CDH12: variants seen among roughly 807,000 people sequenced by gnomAD.
CDH12 encodes cadherin 12.
CDH12 carries 41 observed loss-of-function variants against 74.1 expected under a neutral mutation model. That is an observed-to-expected ratio of 0.55 (90% CI 0.43 to 0.72). The LOEUF (loss-of-function observed/expected upper bound fraction) is 0.72, where lower values mean the gene tolerates loss of function less well. CDH12 is among the 30% of genes least tolerant of loss of function. The probability of loss-of-function intolerance (pLI) is 0.00; values close to 1 mark genes in which losing one functional copy is unlikely to be tolerated. For missense variants in CDH12, 945 were observed against 977.2 expected, an observed-to-expected ratio of 0.97 and a Z score of 0.44; for synonymous variants, 399 against 355.0, an observed-to-expected ratio of 1.12 and a Z score of -1.39.
At chr5:22,067,641 T>C (rs1741661847) in intron 5 of CDH12, among the ~76,000 whole-genome samples, 1 of 152,180 alleles carries the variant, frequency 6.6e-6, no homozygotes, top group South Asian at 2.1e-4. Context: ...AGGGATGCTG[T>C]GTGGCATCTT....
intron 1 of CDH12, among the ~76,000 whole-genome samples, chr5:22,619,741 A>T (rs1265282113): frequency 6.6e-6 from 1 of 151,870 alleles, no homozygotes; most frequent in African/African-American, 2.4e-5. Context: ...CAAAAAAAAA[A>T]AGTCTCCACT....
At chr5:22,320,933 A>G (rs1234004396) in intron 3 of CDH12, among the ~76,000 whole-genome samples, 1 of 152,208 alleles carries the variant, frequency 6.6e-6, no homozygotes, top group Non-Finnish European at 1.5e-5. Context: ...GCAGTGTATC[A>G]CAGTTCAACT....
At chr5:22,582,510 T>C (rs760429865) in intron 1 of CDH12, among the ~76,000 whole-genome samples, 3 of 152,214 alleles carry the variant, frequency 2.0e-5, no homozygotes, top group Non-Finnish European at 4.4e-5. Context: ...ATGGGATCTA[T>C]TAATTCAACT....
intron 1 of CDH12, among the ~76,000 whole-genome samples, chr5:22,828,810 C>T (rs1736453210): frequency 6.6e-6 from 1 of 151,940 alleles, no homozygotes. Context: ...AAGACTTGTT[C>T]GAAGCATTGA....
At chr5:22,775,324 T>C (rs1747035029) in intron 1 of CDH12, among the ~76,000 whole-genome samples, 1 of 152,026 alleles carries the variant, frequency 6.6e-6, no homozygotes, top group African/African-American at 2.4e-5. Context: ...GAAATCAATA[T>C]ATCACTGACA....
In CDH12 at chr5:22,767,148, C is replaced by G. The variant is rs567098962; in HGVS notation, c.-523+85910G>C. ...TTGTGGATTTAAAAATCCACCTTGT[C>G]TAGGATTGATTTTATATTTAACATA... On this transcript the variant is annotated intron_variant, in intron 1 of 14. Transcript: ENST00000382254. 3.3e-5 allele frequency among the ~76,000 whole-genome samples: 5 copies of G among 151,950 alleles called. No individual in the cohort carries two copies. In the East Asian group the frequency reaches 9.7e-4, roughly 29 times the overall value.
At chr5:22,559,769 A>C (rs1421505936) in intron 1 of CDH12, among the ~76,000 whole-genome samples, 1 of 152,168 alleles carries the variant, frequency 6.6e-6, no homozygotes, top group Non-Finnish European at 1.5e-5. Context: ...CCAGTATCTT[A>C]TTATAGTTTC....
chr5:22,290,773 T>C, intron 3 of CDH12, among the ~76,000 whole-genome samples: 1 of 152,114 alleles, frequency 6.6e-6, no homozygotes, highest in East Asian at 1.9e-4. Flanking sequence ...GAAAAATAAC[T>C]TAATACATGC....
intron 1 of CDH12, among the ~76,000 whole-genome samples, chr5:22,698,137 T>TTTTA (rs1273357040): frequency 6.9e-6 from 1 of 144,386 alleles, no homozygotes; most frequent in East Asian, 2.0e-4. Context: ...TTTTTTTTTT[T>TTTTA]TGAGATGGAG....
In CDH12 at chr5:21,883,791, G is replaced by A. The variant is rs1050854223; in HGVS notation, c.527-29001C>T. ...ATGGCTGGCAAAACTTTCAGATGGA[G>A]TAGTTGTGCTGAAGTTTGGTGGGAC... is the stretch of plus-strand genomic sequence containing the variant. On this transcript the variant is annotated intron_variant, in intron 6 of 14. Transcript: ENST00000382254. 14 of 1,574,692 alleles carry A rather than the reference G, an allele frequency of 8.9e-6. 1 individual carries two copies. In the South Asian group the frequency reaches 1.6e-4, roughly 17 times the overall value.
At chr5:21,845,620 AT>A (rs1379024437) in intron 7 of CDH12, among the ~76,000 whole-genome samples, 1 of 148,938 alleles carries the variant, frequency 6.7e-6, no homozygotes, top group East Asian at 2.0e-4. Context: ...AGAAATGACT[AT>A]ACCCTCCCTA....
At chr5:21,958,926 T>C (rs1366539704) in intron 6 of CDH12, among the ~76,000 whole-genome samples, 1 of 152,248 alleles carries the variant, frequency 6.6e-6, no homozygotes, top group Non-Finnish European at 1.5e-5. Context: ...TCCATGAGCA[T>C]GATATGTTTT....
chr5:21,960,885 CA>C, intron 6 of CDH12, among the ~76,000 whole-genome samples: 1 of 152,126 alleles, frequency 6.6e-6, no homozygotes, highest in East Asian at 1.9e-4. Flanking sequence ...TCAATCAACG[CA>C]AAAACCATTG....
rs1747350566 is a variant in CDH12, at chr5:21,804,971, C to T, written c.1003-2551G>A. ...ATATAAAAATATGTTTTCTGTTTTT[C>T]CAAACTCTAAATGCTCTATAAATGT... is the stretch of plus-strand genomic sequence containing the variant. On this transcript the variant is annotated intron_variant, in intron 9 of 14. Coordinates refer to ENST00000382254, the MANE Select transcript of CDH12 (RefSeq NM_004061.5). Among the ~76,000 whole-genome samples, 3 of 152,016 alleles carry T rather than the reference C, an allele frequency of 2.0e-5. No homozygotes were observed. The South Asian group carries it at 6.2e-4, about 32-fold the overall frequency.
chr5:22,831,613 C>G (rs530990951), intron 1 of CDH12, among the ~76,000 whole-genome samples: 1 of 152,036 alleles, frequency 6.6e-6, no homozygotes, highest in East Asian at 1.9e-4. Context: ...ATTATTAAAT[C>G]CAGCCGGGTA....
At chr5:21,789,144 A>G (rs1746354793) in intron 10 of CDH12, among the ~76,000 whole-genome samples, 1 of 152,112 alleles carries the variant, frequency 6.6e-6, no homozygotes, top group Non-Finnish European at 1.5e-5. Context: ...TCTTCTATGT[A>G]GTTATGTGTG....
chr5:22,028,133 G>A (rs1336128041), intron 5 of CDH12, among the ~76,000 whole-genome samples: 2 of 152,060 alleles, frequency 1.3e-5, no homozygotes, highest in Admixed American at 6.6e-5. Context: ...TTTTGAGTGA[G>A]TTTCTTAATC....
intron 3 of CDH12, among the ~76,000 whole-genome samples, chr5:22,332,788 A>G (rs975471925): frequency 1.3e-5 from 2 of 152,194 alleles, no homozygotes; most frequent in Non-Finnish European, 2.9e-5. Flanking sequence ...ACCACTCAGA[A>G]TGGCGATTAT....
In CDH12 at chr5:22,625,411, C is replaced by G. The variant is rs1454518573; in HGVS notation, c.-522-120047G>C. 2.0e-5 allele frequency among the ~76,000 whole-genome samples: 3 copies of G among 152,172 alleles called. No homozygotes were observed. In the East Asian group the frequency reaches 5.8e-4, roughly 29 times the overall value. On this transcript the variant is annotated intron_variant, in intron 1 of 14. Coordinates refer to ENST00000382254, the MANE Select transcript of CDH12 (RefSeq NM_004061.5). ...ACACTAACCACAGACCTCTGGAATT[C>G]TGGTGCACAACCCACGATCCCATGG...
Sources: allele counts gnomAD v4.1 joint callset (sites outside exome capture counted in the v4.1 genomes callset), GRCh38; gene constraint gnomAD v4.1.1; transcripts MANE v1.5; gene names NCBI Gene and HGNC (gene_info 2026-07-23, HGNC 2026-07-21).